Variants in ZNF419 observed in about 807,000 individuals in gnomAD.
The protein encoded by ZNF419 is zinc finger protein 419.
Under a neutral mutation model 14.9 loss-of-function variants are expected in ZNF419, and 8 were observed. The ratio of observed to expected loss-of-function variants is 0.54; its 90% CI spans 0.32 to 0.97. ZNF419 has a LOEUF of 0.97. ZNF419 is among the 50% of genes least tolerant of loss of function. ZNF419 has a pLI of 0.04. For missense variants in ZNF419, 595 were observed against 607.2 expected, an observed-to-expected ratio of 0.98 and a Z score of 0.21; for synonymous variants, 211 against 205.3, an observed-to-expected ratio of 1.03 and a Z score of -0.24.
chr19:57,492,865 A>T lies in ZNF419; in HGVS notation c.308A>T (p.His103Leu), dbSNP rs754316950. ...ATTTATCTTCTGTCAGGTTGTTGGCATGGAGCCGAGGCTGAGGAGGCTCCT... is the reference window on the plus strand; with the variant it reads ...ATTTATCTTCTGTCAGGTTGTTGGCTTGGAGCCGAGGCTGAGGAGGCTCCT... ...VTSAIPRGCW[H>L]GAEAEEAPEQ... is the part of the protein sequence containing the mutation. Residue 103 changes from histidine to leucine, a missense_variant, in exon 5 of 5, where the codon CAT becomes CTT. Transcript: ENST00000221735. 6 of 1,613,496 alleles carry T rather than the reference A, an allele frequency of 3.7e-6. No homozygotes were observed. The East Asian group carries it at 6.7e-5, about 18-fold the overall frequency.
At position 57,491,467 on chromosome 19, in the gene ZNF419, G is replaced by T; in HGVS notation, c.73-4G>T. On this transcript the variant is annotated splice_polypyrimidine_tract_variant and splice_region_variant and intron_variant, in intron 2 of 4. Transcript: ENST00000221735. ...GATAAACTCTACTCTGTCCATCTTAGCAGGGCTATGTGACCTTTGAGGATG... is the reference window on the plus strand; with the variant it reads ...GATAAACTCTACTCTGTCCATCTTATCAGGGCTATGTGACCTTTGAGGATG... 1 of 1,613,926 alleles carries T rather than the reference G, an allele frequency of 6.2e-7. No homozygotes were observed. Among genetic ancestry groups the T allele is most frequent in the Non-Finnish European group, 8.5e-7 (1 of 1,179,906 alleles).
At chr19:57,490,217 C>T (rs1373257405) in intron 2 of ZNF419, 32 bp downstream of exon 2, 2 of 1,605,340 alleles carry the variant, frequency 1.2e-6, no homozygotes, top group Non-Finnish European at 1.7e-6. Context: ...TCCTCACACT[C>T]CTGCACTCCT....
Position 57,494,318 on chromosome 19 carries a change from GTGACAGGTTATGTA to G in ZNF419, c.*229_*242del. 3.2e-6 allele frequency: 2 copies of G among 618,856 alleles called. No homozygotes were observed. The highest frequency in any genetic ancestry group is 5.2e-5 in the South Asian group (2 of 38,660). The allele number at this position is 618,856 out of a possible 1,614,324, so 38.3% of individuals were successfully genotyped here. A position where few individuals can be genotyped will look rare whatever the true frequency, so the allele number is the denominator to read the frequency against. ...GTTTACACTGGAGAAAGGCCTTAGG[GTGACAGGTTATGTA>G]CTGTCTCTGAATCAATATGACCTCA... On this transcript the variant is annotated 3_prime_UTR_variant, in exon 5 of 5. Transcript: ENST00000221735.
rs1418808579 is a variant in ZNF419, at chr19:57,494,010, T to C, written c.1453T>C (p.Cys485Arg). ...RVHTGAKPYE[C>R]RECGKFFRHN... Reference sequence around the variant, plus strand: ...TCACACTGGAGCAAAGCCTTATGAGTGCAGGGAATGTGGGAAGTTTTTTCG... The same window carrying C: ...TCACACTGGAGCAAAGCCTTATGAGCGCAGGGAATGTGGGAAGTTTTTTCG... The change falls in exon 5 of 5, where the codon TGC (cysteine) becomes CGC (arginine). Residue 485 changes from cysteine (C) to arginine (R), a missense_variant. Physicochemically the swap from Cys to Arg is radical, Grantham distance 180 (BLOSUM62 -3). Coordinates refer to ENST00000221735, the MANE Select transcript of ZNF419 (RefSeq NM_024691.4). 1.9e-6 allele frequency: 3 copies of C among 1,613,866 alleles called. No individual in the cohort carries two copies. Among genetic ancestry groups the C allele is most frequent in the South Asian group, 1.1e-5 (1 of 90,950 alleles).
Position 57,487,924 on chromosome 19 carries a change from C to G in ZNF419, c.-27C>G. On this transcript the variant is annotated 5_prime_UTR_variant, in exon 1 of 5. Coordinates refer to ENST00000221735, the MANE Select transcript of ZNF419 (RefSeq NM_024691.4). ...CGGGCCCTTTCCTCGGTCATTGTCT[C>G]CCCTCCAGCTCTACTCACAGGCTCC... 3.1e-6 allele frequency: 5 copies of G among 1,613,850 alleles called. No individual in the cohort carries two copies. In the South Asian group the frequency reaches 4.4e-5, roughly 14 times the overall value.
At chr19:57,490,790 G>A (rs1463312576) in intron 2 of ZNF419, 1 of 155,388 alleles carries the variant, frequency 6.4e-6, no homozygotes, top group African/African-American at 2.4e-5. Flanking sequence ...TCTCCATTAT[G>A]TCTGGGGGAA....
chr19:57,495,120 A>G lies in ZNF419; in HGVS notation c.*1030A>G, dbSNP rs1346370050. 1 of 152,178 alleles carries G rather than the reference A, an allele frequency of 6.6e-6. No individual in the cohort carries two copies. The highest frequency in any genetic ancestry group is 1.5e-5 in the Non-Finnish European group (1 of 68,028). The allele number at this position is 152,178 out of a possible 1,614,324, so 9.4% of individuals were successfully genotyped here. On this transcript the variant is annotated 3_prime_UTR_variant, in exon 5 of 5. Coordinates refer to ENST00000221735, the MANE Select transcript of ZNF419 (RefSeq NM_024691.4). ...TGGAGACAAATTCCTTATTTGATAT[A>G]AGCATTGTCAATATTTTCTCATGGT...
Position 57,493,775 on chromosome 19 carries a change from A to G in ZNF419, c.1218A>G (p.Arg406=). 1 of 1,614,166 alleles carries G rather than the reference A, an allele frequency of 6.2e-7. No individual in the cohort carries two copies. Among genetic ancestry groups the G allele is most frequent in the Non-Finnish European group, 8.5e-7 (1 of 1,179,988 alleles). ...CTTTTAAGTGCAATGAATGTGGGAG[A>G]TTCTTTAGAGAGAATTCCACCCTAG... ...EKPFKCNECG[R]FFRENSTLVR... is the part of the protein sequence containing the mutation. The change falls in exon 5 of 5, where the codon AGA becomes AGG. Residue 406 remains arginine, a synonymous_variant. Transcript: ENST00000221735.
Position 57,495,667 on chromosome 19 carries a change from A to G in ZNF419, c.*1577A>G, listed in dbSNP as rs751636016. On this transcript the variant is annotated 3_prime_UTR_variant, in exon 5 of 5. Coordinates refer to ENST00000221735, the MANE Select transcript of ZNF419 (RefSeq NM_024691.4). ...TGTGAGCCCGGGAGGCGGAGCTTGCAGTGAGCCGAGATTGCGCCACTGCAC... is the reference window on the plus strand; with the variant it reads ...TGTGAGCCCGGGAGGCGGAGCTTGCGGTGAGCCGAGATTGCGCCACTGCAC... The G allele has an allele frequency of 6.8e-5, 9 of 133,042 alleles. No individual in the cohort carries two copies. The highest frequency in any genetic ancestry group is 9.3e-5 in the Non-Finnish European group (6 of 64,476). The allele number at this position is 133,042 out of a possible 1,614,324, so 8.2% of individuals were successfully genotyped here. A position where few individuals can be genotyped will look rare whatever the true frequency, so the allele number is the denominator to read the frequency against.
chr19:57,493,885 T>C lies in ZNF419; in HGVS notation c.1328T>C (p.Met443Thr). ...TTTTTTAGCCAAAGCTCAACCCTCA[T>C]GCAACATCGAAAAGTTCACATTGGA... is the stretch of plus-strand genomic sequence containing the variant. The part of the protein sequence containing the change: ...GKFFSQSSTL[M>T]QHRKVHIGEK... Residue 443 changes from methionine to threonine, a missense_variant, in exon 5 of 5, where the codon ATG (methionine) becomes ACG (threonine). By Grantham distance (81) the Met-to-Thr change is moderately conservative. Transcript: ENST00000221735. 4.3e-6 allele frequency: 7 copies of C among 1,614,040 alleles called. No homozygotes were observed. The highest frequency in any genetic ancestry group is 5.9e-6 in the Non-Finnish European group (7 of 1,179,974).
Position 57,493,346 on chromosome 19 carries a change from CTG to C in ZNF419, c.792_793del (p.Cys264TrpfsTer5), listed in dbSNP as rs772828826. Reference protein sequence around the residue: ...TGERPYGCSNCGKSFSRNAHL... With the variant: ...TGERPYGCSNXGKSFSRNAHL... ...GAGAAAGGCCTTACGGGTGTAGTAA[CTG>C]TGGAAAATCCTTTAGCCGTAATGCT... On this transcript the variant is annotated frameshift_variant, in exon 5 of 5. Coordinates refer to ENST00000221735, the MANE Select transcript of ZNF419 (RefSeq NM_024691.4). LOFTEE classifies it low-confidence loss of function (END_TRUNC). 6.2e-6 allele frequency: 10 copies of C among 1,613,930 alleles called. No individual in the cohort carries two copies. The highest frequency in any genetic ancestry group is 2.2e-5 in the South Asian group (2 of 91,064).
At chr19:57,489,190 C>T (rs1317061900) in intron 1 of ZNF419, 1 of 152,226 alleles carries the variant, frequency 6.6e-6, no homozygotes, top group East Asian at 1.9e-4. Flanking sequence ...AGCAGGCAGC[C>T]AGGTTGCCAA....
Position 57,494,056 on chromosome 19 carries a change from A to G in ZNF419, c.1499A>G (p.Lys500Arg), listed in dbSNP as rs770180946. 3 of 1,611,198 alleles carry G rather than the reference A, an allele frequency of 1.9e-6. No homozygotes were observed. The highest frequency in any genetic ancestry group is 3.4e-5 in the Admixed American group (2 of 59,488). ...KFFRHNSSLF[K>R]HRRIHTGEMQ ...TTTCGCCACAACTCCAGTCTTTTTA[A>G]ACATCGAAGGATTCACACTGGAGAA... The change falls in exon 5 of 5, where the codon AAA becomes AGA. Residue 500 changes from lysine to arginine, a missense_variant. Coordinates refer to ENST00000221735, the MANE Select transcript of ZNF419 (RefSeq NM_024691.4).
rs373444846 is a variant in ZNF419 at position 57,491,782 on chromosome 19, C to T, written c.199+185C>T. 4.5e-5 allele frequency: 40 copies of T among 879,702 alleles called. 2 individuals carry two copies. In the Middle Eastern group the frequency reaches 1.1e-3, roughly 24 times the overall value. The allele number at this position is 879,702 out of a possible 1,614,324, so 54.5% of individuals were successfully genotyped here. On this transcript the variant is annotated intron_variant, in intron 3 of 4. Coordinates refer to ENST00000221735, the MANE Select transcript of ZNF419 (RefSeq NM_024691.4). ...ACCACCTTCTCTCCCCAAGCTGCCC[C>T]ACAGCTGTGCAGGAAAGGGTTTGGG... is the stretch of plus-strand genomic sequence containing the variant.
chr19:57,493,961 C>T lies in ZNF419; in HGVS notation c.1404C>T (p.Ser468=), dbSNP rs2089568817. ...GTGGGAGATTGTTTAGAGAGAATTC[C>T]AGCCTTGTTAAACATCAGAGGGTTC... ...NECGRLFREN[S]SLVKHQRVHT... is the part of the protein sequence containing the mutation. Residue 468 remains serine, a synonymous_variant, in exon 5 of 5, where the codon TCC becomes TCT. Coordinates refer to ENST00000221735, the MANE Select transcript of ZNF419 (RefSeq NM_024691.4). The T allele has an allele frequency of 6.2e-6, 10 of 1,613,954 alleles. No individual in the cohort carries two copies. The highest frequency in any genetic ancestry group is 8.5e-6 in the Non-Finnish European group (10 of 1,180,004).
At chr19:57,488,074 T>C (rs2089399295) in intron 1 of ZNF419, 91 bp downstream of exon 1, 2 of 1,565,932 alleles carry the variant, frequency 1.3e-6, no homozygotes, top group Non-Finnish European at 1.7e-6. Flanking sequence ...TGTGGGGCGT[T>C]CGTGCGCGGC....
In ZNF419 at chr19:57,491,339, G is replaced by A. The variant is rs1371502607; in HGVS notation, c.73-132G>A. ...GCATGAGGAGAGAGTGGGCATCAGT[G>A]GCTCTGGGGCAGGGTCTCTCCTCTG... On this transcript the variant is annotated intron_variant, in intron 2 of 4. Transcript: ENST00000221735. The A allele has an allele frequency of 2.9e-6, 4 of 1,383,586 alleles. No homozygotes were observed. In the Admixed American group the frequency reaches 8.4e-5, roughly 29 times the overall value. 85.7% of individuals were successfully genotyped at this position (1,383,586 alleles called of 1,614,324 possible). A position where few individuals can be genotyped will look rare whatever the true frequency, so the allele number is the denominator to read the frequency against.
chr19:57,492,753 A>T (rs945460336), intron 4 of ZNF419, 103 bp from the exon 5 acceptor site: 3 of 1,460,188 alleles, frequency 2.1e-6, no homozygotes, highest in Non-Finnish European at 2.9e-6. Flanking sequence ...TTCTGCTAGC[A>T]GCCCCAGGCA....
chr19:57,492,441 A>G (rs1312505911), intron 4 of ZNF419: 1 of 771,156 alleles, frequency 1.3e-6, no homozygotes, highest in African/African-American at 1.7e-5. Flanking sequence ...AGTGGCTTTC[A>G]CTGAATGTGT....
Sources: allele counts gnomAD v4.1 joint callset, GRCh38; gene constraint gnomAD v4.1.1; transcripts MANE v1.5; gene names NCBI Gene and HGNC (gene_info 2026-07-23, HGNC 2026-07-21).